The following LDAH variants were observed in gnomAD, a reference collection of about 807,000 sequenced individuals.
LDAH encodes lipid droplet associated hydrolase.
In LDAH, 26 loss-of-function variants were observed where a neutral mutation model predicts 29.6. The observed-to-expected ratio is 0.88, with a 90% CI of 0.64 to 1.22. The LOEUF (loss-of-function observed/expected upper bound fraction) is 1.22. LDAH is among the 50% of genes most tolerant of loss of function. The probability of loss-of-function intolerance (pLI) is 0.00; values close to 1 mark genes in which losing one functional copy is unlikely to be tolerated. For missense variants in LDAH, 344 were observed against 387.3 expected (o/e 0.89, Z 0.94); for synonymous variants, 117 against 133.0 (o/e 0.88, Z 0.83).
chr2:20,740,136 T>G lies in LDAH; in HGVS notation c.538A>C (p.Thr180Pro). 2 of 1,614,056 alleles carry G rather than the reference T, an allele frequency of 1.2e-6. No homozygotes were observed. The highest frequency in any genetic ancestry group is 1.7e-6 in the Non-Finnish European group (2 of 1,179,978). ...TATCGAAACCAGCACAAAAGTGGAG[T>G]GGCAATTCTGCCATTGGGTGACTCA... ...MSESPNGRIA[T>P]PLLCWFRYVL... The change falls in exon 5 of 7, where the codon ACT becomes CCT. Residue 180 changes from threonine (T) to proline (P), a missense_variant. Thr to Pro is a conservative substitution (Grantham distance 38). Coordinates refer to ENST00000237822, the MANE Select transcript of LDAH (RefSeq NM_021925.4).
At chr2:20,807,694 T>C (rs1672168268) in intron 1 of LDAH, among the ~76,000 whole-genome samples, 2 of 151,912 alleles carry the variant, frequency 1.3e-5, no homozygotes, top group Non-Finnish European at 2.9e-5. Flanking sequence ...AAAATATAAA[T>C]ATGAAATTCA....
intron 2 of LDAH, among the ~76,000 whole-genome samples, chr2:20,800,617 A>AT (rs1211391236): frequency 5.2e-5 from 7 of 135,660 alleles, no homozygotes; most frequent in Non-Finnish European, 1.1e-4. Context: ...TTTAATTTTT[A>AT]TTTTTTTATT....
In LDAH at chr2:20,723,895, C is replaced by T. The variant is rs916690598; in HGVS notation, c.703+16076G>A. 6.6e-5 allele frequency among the ~76,000 whole-genome samples: 10 copies of T among 152,240 alleles called. No homozygotes were observed. The East Asian group carries it at 1.5e-3, about 23-fold the overall frequency. On this transcript the variant is annotated intron_variant, in intron 5 of 6. Coordinates refer to ENST00000237822, the MANE Select transcript of LDAH (RefSeq NM_021925.4). The stretch of plus-strand genomic sequence containing the variant: ...AGAATGATTTGGAAGAATGTTAATT[C>T]TTTACTTTTGCTCCATTAAACACAG...
chr2:20,768,583 C>T lies in LDAH; in HGVS notation c.468+6227G>A, dbSNP rs543467234. Among the ~76,000 whole-genome samples, 9 of 152,226 alleles carry T rather than the reference C, an allele frequency of 5.9e-5. No homozygotes were observed. In the South Asian group the frequency reaches 1.0e-3, roughly 18 times the overall value. ...TCCCTTGGAGGCATAGGATCCAGGC[C>T]GGCAGCATGAGCTGAGCATAGCCTG... is the stretch of plus-strand genomic sequence containing the variant. On this transcript the variant is annotated intron_variant, in intron 4 of 6. Transcript: ENST00000237822.
rs1662526644 is a variant in LDAH, at chr2:20,685,904, T to G, written c.*999A>C. ...TGAAGTTAATGCAGAAATGGAGAGT[T>G]AATGTATGGCAATGTTTTACTGAGC... On this transcript the variant is annotated 3_prime_UTR_variant, in exon 7 of 7. Coordinates refer to ENST00000237822, the MANE Select transcript of LDAH (RefSeq NM_021925.4). The G allele has an allele frequency of 4.9e-6, 2 of 412,240 alleles. No individual in the cohort carries two copies. The highest frequency in any genetic ancestry group is 8.5e-6 in the Non-Finnish European group (2 of 233,982). 25.5% of individuals were successfully genotyped at this position (412,240 alleles called of 1,614,324 possible). A position where few individuals can be genotyped will look rare whatever the true frequency, so the allele number is the denominator to read the frequency against.
intron 3 of LDAH, among the ~76,000 whole-genome samples, chr2:20,778,833 C>T (rs1669988680): frequency 6.6e-6 from 1 of 151,964 alleles, no homozygotes; most frequent in East Asian, 1.9e-4. Flanking sequence ...TTCTTTATTA[C>T]ATGTATATTA....
At chr2:20,746,861 A>G (rs1250919549) in intron 4 of LDAH, among the ~76,000 whole-genome samples, 1 of 152,126 alleles carries the variant, frequency 6.6e-6, no homozygotes, top group Non-Finnish European at 1.5e-5. Context: ...CATATTTCAC[A>G]TTCTCTTCTG....
chr2:20,707,411 C>G (rs62123967), intron 5 of LDAH, among the ~76,000 whole-genome samples: 10,188 of 152,230 alleles, frequency 0.067, 474 homozygotes, highest in East Asian at 0.13. Flanking sequence ...TTCAAGAATT[C>G]TAAGTAGCTC....
At position 20,761,553 on chromosome 2, in the gene LDAH, A is replaced by G. The variant is rs1021372232; in HGVS notation, c.468+13257T>C. 2.0e-5 allele frequency among the ~76,000 whole-genome samples: 3 copies of G among 152,332 alleles called. No homozygotes were observed. The East Asian group carries it at 5.8e-4, about 29-fold the overall frequency. On this transcript the variant is annotated intron_variant, in intron 4 of 6. Transcript: ENST00000237822. ...CTTATTTGTTCTTTTGTCTATTTAT[A>G]AACTATCTTGTACCCAGAAGGACTT...
At chr2:20,794,272 C>A (rs1671163732) in intron 2 of LDAH, among the ~76,000 whole-genome samples, 1 of 152,100 alleles carries the variant, frequency 6.6e-6, no homozygotes, top group Admixed American at 6.6e-5. Flanking sequence ...GATTCAATTA[C>A]CTCCCACTGA....
intron 1 of LDAH, among the ~76,000 whole-genome samples, chr2:20,816,341 TTTC>T (rs1001667178): frequency 6.6e-6 from 1 of 152,036 alleles, no homozygotes; most frequent in Admixed American, 6.6e-5. Context: ...GGCAGAGAAG[TTTC>T]TTTTTTAAAA....
At chr2:20,758,947 T>A (rs964661351) in intron 4 of LDAH, among the ~76,000 whole-genome samples, 1 of 152,214 alleles carries the variant, frequency 6.6e-6, no homozygotes. Context: ...AATATGTCCT[T>A]AAGTTTTTAT....
chr2:20,770,194 G>A (rs1220788916), intron 4 of LDAH, among the ~76,000 whole-genome samples: 1 of 151,994 alleles, frequency 6.6e-6, no homozygotes, highest in Non-Finnish European at 1.5e-5. Flanking sequence ...TATCCAGTTG[G>A]GTAAAATAGT....
In LDAH at chr2:20,684,825, TG is replaced by T. The variant is rs1175108478; in HGVS notation, c.*2077del. On this transcript the variant is annotated 3_prime_UTR_variant, in exon 7 of 7. Coordinates refer to ENST00000237822, the MANE Select transcript of LDAH (RefSeq NM_021925.4). ...GTTGACTGGGACATACAGGCAGAGC[TG>T]CTTCTGGAAAATGGATTTCTTCCAC... 2.0e-6 allele frequency: 3 copies of T among 1,530,282 alleles called. No individual in the cohort carries two copies. The highest frequency in any genetic ancestry group is 2.6e-6 in the Non-Finnish European group (3 of 1,135,928). The allele number at this position is 1,530,282 out of a possible 1,614,324, so 94.8% of individuals were successfully genotyped here.
At chr2:20,806,936 T>C (rs1211807755) in intron 1 of LDAH, among the ~76,000 whole-genome samples, 1 of 150,174 alleles carries the variant, frequency 6.7e-6, no homozygotes, top group Non-Finnish European at 1.5e-5. Context: ...TAATGAAGAG[T>C]AGATATTAAT....
intron 3 of LDAH, among the ~76,000 whole-genome samples, chr2:20,775,703 T>G (rs902347479): frequency 6.6e-6 from 1 of 152,228 alleles, no homozygotes; most frequent in East Asian, 1.9e-4. Context: ...ACAAATGAAC[T>G]GCTCTTCTAG....
At chr2:20,711,409 A>C (rs1392859852) in intron 5 of LDAH, among the ~76,000 whole-genome samples, 1 of 151,118 alleles carries the variant, frequency 6.6e-6, no homozygotes, top group African/African-American at 2.4e-5. Context: ...AGAGTAGAGA[A>C]GTGGTCCGTT....
intron 6 of LDAH, among the ~76,000 whole-genome samples, chr2:20,691,316 A>C (rs186838219): frequency 1.1e-3 from 171 of 152,058 alleles, no homozygotes; most frequent in African/African-American, 3.9e-3. Flanking sequence ...CTGGAATCAC[A>C]AGCGCATGCC....
chr2:20,719,763 G>T (rs1002917294), intron 5 of LDAH, among the ~76,000 whole-genome samples: 3 of 151,946 alleles, frequency 2.0e-5, no homozygotes, highest in Non-Finnish European at 4.4e-5. Flanking sequence ...ACATTGAAAA[G>T]ATCACCATGA....
Sources: allele counts gnomAD v4.1 joint callset (sites outside exome capture counted in the v4.1 genomes callset), GRCh38; gene constraint gnomAD v4.1.1; transcripts MANE v1.5; gene names NCBI Gene and HGNC (gene_info 2026-07-23, HGNC 2026-07-21).